The following SLIT2 variants were observed in gnomAD, a reference collection of about 807,000 sequenced individuals.
The protein encoded by SLIT2 is slit homolog 2 protein.
SLIT2 carries 41 observed loss-of-function variants against 185.7 expected under a neutral mutation model. The observed-to-expected ratio is 0.22, with a 90% CI of 0.17 to 0.29. The LOEUF is 0.29. Ranked by LOEUF, SLIT2 falls within the 10% of genes least tolerant of loss-of-function variation. SLIT2 has a pLI of 1.00. For missense variants in SLIT2, 1,571 were observed against 1,909.0 expected, an observed-to-expected ratio of 0.82 and a Z score of 3.30; for synonymous variants, 693 against 680.2, an observed-to-expected ratio of 1.02 and a Z score of -0.29.
chr4:20,342,373 G>A (rs1027697966), intron 4 of SLIT2, among the ~76,000 whole-genome samples: 2 of 152,058 alleles, frequency 1.3e-5, no homozygotes, highest in African/African-American at 4.8e-5. Flanking sequence ...ATGAATTATA[G>A]TGTTGTTTAT....
chr4:20,544,984 A>G (rs1723124768), intron 21 of SLIT2, among the ~76,000 whole-genome samples: 1 of 152,192 alleles, frequency 6.6e-6, no homozygotes, highest in Non-Finnish European at 1.5e-5. Flanking sequence ...GAGTCATAAC[A>G]TAGACCCAAT....
rs75110132 is a variant in SLIT2, at chr4:20,459,602, A to C, written c.396-8150A>C. ...GTTCCCACCATGATACAAAGACTTT[A>C]ATCTGTGTTTCTGTCTCTGATCCGT... On this transcript the variant is annotated intron_variant, in intron 4 of 36. Coordinates refer to ENST00000504154, the MANE Select transcript of SLIT2 (RefSeq NM_004787.4). Among the ~76,000 whole-genome samples the C allele has an allele frequency of 2.7e-3, 407 of 152,258 alleles. 2 individuals are homozygous for C. The highest frequency in any genetic ancestry group is 9.7e-3 in the African/African-American group (402 of 41,544).
intron 4 of SLIT2, among the ~76,000 whole-genome samples, chr4:20,424,703 T>A (rs1295347180): frequency 6.6e-6 from 1 of 152,146 alleles, no homozygotes; most frequent in Non-Finnish European, 1.5e-5. Flanking sequence ...TGGGCATTTG[T>A]ATATTTTTAT....
intron 4 of SLIT2, among the ~76,000 whole-genome samples, chr4:20,443,780 A>G (rs1176725137): frequency 2.0e-5 from 3 of 152,090 alleles, no homozygotes; most frequent in Non-Finnish European, 4.4e-5. Context: ...ATAACTTAAT[A>G]ACTTCTGAAG....
intron 4 of SLIT2, among the ~76,000 whole-genome samples, chr4:20,397,918 C>A (rs970071746): frequency 8.6e-5 from 13 of 151,782 alleles, no homozygotes; most frequent in African/African-American, 2.7e-4. Context: ...AAAGATGATA[C>A]CCATGGTGTG....
chr4:20,286,187 G>C (rs1413669292), intron 4 of SLIT2, among the ~76,000 whole-genome samples: 1 of 152,172 alleles, frequency 6.6e-6, no homozygotes, highest in African/African-American at 2.4e-5. Context: ...ACTATACAAT[G>C]TGTAATCCTC....
chr4:20,567,197 C>T, intron 26 of SLIT2, 65 bp from the exon 27 acceptor site: 2 of 1,338,300 alleles, frequency 1.5e-6, no homozygotes, highest in Non-Finnish European at 2.1e-6. Flanking sequence ...TACATTAAGG[C>T]ATACAAGTAA....
intron 18 of SLIT2, among the ~76,000 whole-genome samples, chr4:20,537,125 A>G (rs1722368069): frequency 6.6e-6 from 1 of 152,218 alleles, no homozygotes. Flanking sequence ...ACACTCTAAA[A>G]TAACAATAGT....
intron 1 of SLIT2, among the ~76,000 whole-genome samples, chr4:20,255,788 A>G (rs1183331539): frequency 6.6e-6 from 1 of 152,212 alleles, no homozygotes; most frequent in Non-Finnish European, 1.5e-5. Context: ...GCTGACTTGT[A>G]AAATTCTATC....
intron 4 of SLIT2, among the ~76,000 whole-genome samples, chr4:20,399,401 G>A (rs1487275261): frequency 6.6e-6 from 1 of 151,556 alleles, no homozygotes; most frequent in African/African-American, 2.4e-5. Context: ...TGTGTCCCTG[G>A]GCGAACCATA....
chr4:20,295,159 C>CA (rs1675051122), intron 4 of SLIT2, among the ~76,000 whole-genome samples: 1 of 152,126 alleles, frequency 6.6e-6, no homozygotes, highest in African/African-American at 2.4e-5. Context: ...TTGCCTTAAA[C>CA]ATTTATAATT....
chr4:20,428,449 G>GT (rs1163934698), intron 4 of SLIT2, among the ~76,000 whole-genome samples: 15 of 152,114 alleles, frequency 9.9e-5, no homozygotes, highest in Non-Finnish European at 2.2e-4. Context: ...GTGTTTTGAG[G>GT]TTTTTTGTTA....
intron 4 of SLIT2, among the ~76,000 whole-genome samples, chr4:20,347,869 T>C (rs1010101109): frequency 6.6e-6 from 1 of 152,208 alleles, no homozygotes; most frequent in Admixed American, 6.5e-5. Context: ...CTTTTTATGC[T>C]GTGTATAATG....
chr4:20,487,227 T>A (rs1042744940), intron 7 of SLIT2, among the ~76,000 whole-genome samples: 1 of 152,162 alleles, frequency 6.6e-6, no homozygotes, highest in African/African-American at 2.4e-5. Flanking sequence ...CCTTGGAATA[T>A]TATTTAGCAA....
intron 4 of SLIT2, among the ~76,000 whole-genome samples, chr4:20,337,419 C>A (rs1720597444): frequency 6.6e-6 from 1 of 151,788 alleles, no homozygotes; most frequent in Admixed American, 6.6e-5. Context: ...CCACTGGGTG[C>A]CTCCCAGTGG....
At chr4:20,438,426 C>T (rs1729509164) in intron 4 of SLIT2, among the ~76,000 whole-genome samples, 1 of 152,112 alleles carries the variant, frequency 6.6e-6, no homozygotes, top group African/African-American at 2.4e-5. Context: ...GGCGAAATTC[C>T]CATTTTTAAA....
chr4:20,388,959 AAAAAATATAT>A (rs1725185292), intron 4 of SLIT2, among the ~76,000 whole-genome samples: 1 of 122,170 alleles, frequency 8.2e-6, no homozygotes, highest in African/African-American at 2.9e-5. Flanking sequence ...TATATATGTC[AAAAAATATAT>A]GTCAAAATAT....
At chr4:20,329,507 A>G (rs902171978) in intron 4 of SLIT2, among the ~76,000 whole-genome samples, 1 of 152,060 alleles carries the variant, frequency 6.6e-6, no homozygotes, top group African/African-American at 2.4e-5. Context: ...TATACTATCT[A>G]GAAGTCTTCA....
At chr4:20,300,415 C>T (rs544171076) in intron 4 of SLIT2, among the ~76,000 whole-genome samples, 1 of 152,188 alleles carries the variant, frequency 6.6e-6, no homozygotes, top group Non-Finnish European at 1.5e-5. Flanking sequence ...TGACAAGGAA[C>T]ATGGAATTAT....
Sources: allele counts gnomAD v4.1 joint callset (sites outside exome capture counted in the v4.1 genomes callset), GRCh38; gene constraint gnomAD v4.1.1; transcripts MANE v1.5; gene names NCBI Gene and HGNC (gene_info 2026-07-23, HGNC 2026-07-21).